The following GPC5 variants were observed in gnomAD, a reference collection of about 807,000 sequenced individuals.
GPC5 encodes glypican 5, also known as glypican-5.
A neutral mutation model predicts 53.9 loss-of-function variants in GPC5; 47 were observed. The observed-to-expected ratio is 0.87, with a 90% CI of 0.69 to 1.11. The LOEUF is 1.11. Among genes scored for constraint, GPC5 ranks in the 50% most tolerant of loss-of-function variants. The probability of loss-of-function intolerance (pLI) is 0.00; values close to 1 mark genes in which losing one functional copy is unlikely to be tolerated. For missense variants in GPC5, 748 were observed against 713.1 expected, an observed-to-expected ratio of 1.05 and a Z score of -0.56; for synonymous variants, 286 against 263.3, an observed-to-expected ratio of 1.09 and a Z score of -0.84.
intron 7 of GPC5, among the ~76,000 whole-genome samples, chr13:92,717,571 T>C (rs1888373143): frequency 6.6e-6 from 1 of 152,222 alleles, no homozygotes; most frequent in Non-Finnish European, 1.5e-5. Context: ...TTTCTCCTTC[T>C]TCTCCTACCA....
chr13:91,437,510 T>C (rs55787576), intron 1 of GPC5, among the ~76,000 whole-genome samples: 5,461 of 152,332 alleles, frequency 0.036, 143 homozygotes, highest in Middle Eastern at 0.065. Context: ...TGTTGAATAT[T>C]GGCCCCCACT....
At chr13:92,131,835 A>T (rs2041746195) in intron 6 of GPC5, among the ~76,000 whole-genome samples, 1 of 151,974 alleles carries the variant, frequency 6.6e-6, no homozygotes, top group African/African-American at 2.4e-5. Context: ...GTTACGTGTA[A>T]ATTATATATT....
At chr13:91,764,783 G>A (rs957606490) in intron 5 of GPC5, among the ~76,000 whole-genome samples, 5 of 152,148 alleles carry the variant, frequency 3.3e-5, no homozygotes, top group African/African-American at 1.2e-4. Flanking sequence ...GTAGTTGGCA[G>A]GTTTCGAGCT....
intron 7 of GPC5, among the ~76,000 whole-genome samples, chr13:92,735,357 T>A (rs1042225766): frequency 6.6e-6 from 1 of 152,156 alleles, no homozygotes; most frequent in African/African-American, 2.4e-5. Context: ...AAGTCATGCA[T>A]TGGCCAGCAT....
chr13:92,643,929 A>G (rs964128082), intron 7 of GPC5, among the ~76,000 whole-genome samples: 3 of 152,228 alleles, frequency 2.0e-5, no homozygotes, highest in Non-Finnish European at 4.4e-5. Flanking sequence ...GTTTTTATGA[A>G]CACTAAGGAA....
At chr13:92,719,927 G>C (rs1339817177) in intron 7 of GPC5, 1 of 152,016 alleles carries the variant, frequency 6.6e-6, no homozygotes, top group African/African-American at 2.4e-5. Flanking sequence ...CCCTCTTCTT[G>C]TTGTTAAGTT....
rs114290171 is a variant in GPC5, at chr13:91,429,398, G to C, written c.164-19363G>C. On this transcript the variant is annotated intron_variant, in intron 1 of 7. Coordinates refer to ENST00000377067, the MANE Select transcript of GPC5 (RefSeq NM_004466.6). The stretch of plus-strand genomic sequence containing the variant: ...TCCCCAAGAAGGTGACAGTTTAGAG[G>C]AGAGAAGGAGATAGGAAATAAAATT... Among the ~76,000 whole-genome samples, 891 of 152,278 alleles carry C rather than the reference G, an allele frequency of 5.9e-3. 7 individuals carry two copies. Among genetic ancestry groups the C allele is most frequent in the African/African-American group, 0.02 (842 of 41,552 alleles).
chr13:91,713,791 C>T (rs1008747500), intron 3 of GPC5, among the ~76,000 whole-genome samples: 9 of 152,210 alleles, frequency 5.9e-5, no homozygotes, highest in African/African-American at 2.2e-4. Context: ...TACTTTACCT[C>T]CCACCAAATT....
chr13:92,349,860 G>T (rs879400586), intron 7 of GPC5, among the ~76,000 whole-genome samples: 1 of 152,060 alleles, frequency 6.6e-6, no homozygotes, highest in African/African-American at 2.4e-5. Flanking sequence ...TTGAAGAGGA[G>T]GGACTCTTTC....
intron 7 of GPC5, among the ~76,000 whole-genome samples, chr13:92,527,866 C>T (rs1349661481): frequency 6.6e-6 from 1 of 151,864 alleles, no homozygotes; most frequent in Non-Finnish European, 1.5e-5. Flanking sequence ...AAGAAAAATA[C>T]TGGTTAAAGA....
chr13:91,623,052 G>A (rs1253652419), intron 2 of GPC5, among the ~76,000 whole-genome samples: 1 of 152,056 alleles, frequency 6.6e-6, no homozygotes, highest in Non-Finnish European at 1.5e-5. Context: ...GGAGGAGAGA[G>A]TAAACAGGGG....
intron 6 of GPC5, among the ~76,000 whole-genome samples, chr13:92,025,287 G>T (rs1250603689): frequency 6.6e-6 from 1 of 152,152 alleles, no homozygotes; most frequent in Non-Finnish European, 1.5e-5. Flanking sequence ...AAAAGACAAA[G>T]ATAAGGCTTT....
At position 92,698,779 on chromosome 13, in the gene GPC5, C is replaced by T. The variant is rs1454616400; in HGVS notation, c.1562-167503C>T. ...ATGGTTGAACTAGTTTACAGTCCCACCAACAGTGTAAAAGTGTTCCTGTTT... is the reference window on the plus strand; with the variant it reads ...ATGGTTGAACTAGTTTACAGTCCCATCAACAGTGTAAAAGTGTTCCTGTTT... On this transcript the variant is annotated intron_variant, in intron 7 of 7. Coordinates refer to ENST00000377067, the MANE Select transcript of GPC5 (RefSeq NM_004466.6). 9.2e-5 allele frequency among the ~76,000 whole-genome samples: 14 copies of T among 152,302 alleles called. No homozygotes were observed. The South Asian group carries it at 2.9e-3, about 32-fold the overall frequency.
Position 92,787,737 on chromosome 13 carries a change from C to T in GPC5, c.1562-78545C>T, listed in dbSNP as rs1594507428. ...GAAAAAAAAATTGACTGGTCATGGG[C>T]ATGGTGACACATACTTATAGTCCCA... On this transcript the variant is annotated intron_variant, in intron 7 of 7. Transcript: ENST00000377067. Among the ~76,000 whole-genome samples the T allele has an allele frequency of 3.4e-5, 5 of 147,688 alleles. No individual in the cohort carries two copies. In the East Asian group the frequency reaches 1.0e-3, roughly 31 times the overall value.
intron 7 of GPC5, among the ~76,000 whole-genome samples, chr13:92,755,072 C>G (rs868845059): frequency 0.073 from 11,087 of 150,926 alleles, 466 homozygotes; most frequent in Admixed American, 0.12. Context: ...TGACCACATA[C>G]TTGGAAGTAA....
chr13:91,919,272 C>T (rs962704707), intron 6 of GPC5, among the ~76,000 whole-genome samples: 2 of 152,180 alleles, frequency 1.3e-5, no homozygotes, highest in South Asian at 2.1e-4. Flanking sequence ...GTTTCCAAAC[C>T]AATTTTACAA....
chr13:91,763,322 A>G (rs1012979519), intron 5 of GPC5, among the ~76,000 whole-genome samples: 1 of 152,114 alleles, frequency 6.6e-6, no homozygotes, highest in Non-Finnish European at 1.5e-5. Flanking sequence ...ACGCACTTTC[A>G]TGGACATTTT....
intron 7 of GPC5, among the ~76,000 whole-genome samples, chr13:92,675,653 C>T (rs1340067995): frequency 2.0e-5 from 3 of 151,828 alleles, no homozygotes; most frequent in Non-Finnish European, 4.4e-5. Context: ...ATAGAAACAG[C>T]TATAGGACTA....
At chr13:92,565,100 C>G (rs1289512087) in intron 7 of GPC5, among the ~76,000 whole-genome samples, 6 of 152,020 alleles carry the variant, frequency 3.9e-5, no homozygotes, top group African/African-American at 1.2e-4. Context: ...ATAAGCCATT[C>G]TGGAGTCCAC....
Sources: allele counts gnomAD v4.1 joint callset (sites outside exome capture counted in the v4.1 genomes callset), GRCh38; gene constraint gnomAD v4.1.1; transcripts MANE v1.5; gene names NCBI Gene and HGNC (gene_info 2026-07-23, HGNC 2026-07-21).